The following DPYS variants were observed in gnomAD, a reference collection of about 807,000 sequenced individuals.
DPYS encodes dihydropyrimidinase.
DPYS carries 39 observed loss-of-function variants against 50.3 expected under a neutral mutation model. The observed-to-expected ratio is 0.78, with a 90% CI of 0.60 to 1.01. The LOEUF (loss-of-function observed/expected upper bound fraction) is 1.01. DPYS is among the 50% of genes least tolerant of loss of function. The pLI, the probability that DPYS is intolerant of heterozygous loss-of-function variation, is 0.00. For synonymous variants in DPYS, 245 were observed against 250.7 expected, an observed-to-expected ratio of 0.98 and a Z score of 0.22; for missense variants, 659 against 680.9, an observed-to-expected ratio of 0.97 and a Z score of 0.36.
At chr8:104,465,106 A>T (rs1305349983) in intron 1 of DPYS, among the ~76,000 whole-genome samples, 6 of 152,118 alleles carry the variant, frequency 3.9e-5, no homozygotes, top group African/African-American at 1.4e-4. Context: ...TTTTTCTGTT[A>T]ATCATTCCAG....
intron 7 of DPYS, among the ~76,000 whole-genome samples, chr8:104,402,655 A>G (rs1056596223): frequency 6.6e-6 from 1 of 152,218 alleles, no homozygotes; most frequent in African/African-American, 2.4e-5. Flanking sequence ...TTTCCTATAT[A>G]GAAATACACT....
intron 7 of DPYS, among the ~76,000 whole-genome samples, chr8:104,414,104 G>A (rs1812286375): frequency 6.6e-6 from 1 of 152,164 alleles, no homozygotes; most frequent in South Asian, 2.1e-4. Flanking sequence ...ACATGTGAAG[G>A]TCTAAGAGGA....
At chr8:104,446,892 C>T (rs1195771329) in intron 3 of DPYS, among the ~76,000 whole-genome samples, 2 of 152,156 alleles carry the variant, frequency 1.3e-5, no homozygotes, top group Admixed American at 1.3e-4. Context: ...AAGAGCAGGG[C>T]TTTAAACAGC....
chr8:104,435,470 CT>C (rs1564102887), intron 4 of DPYS, among the ~76,000 whole-genome samples: 1 of 151,702 alleles, frequency 6.6e-6, no homozygotes, highest in Non-Finnish European at 1.5e-5. Flanking sequence ...TTTTATTAGG[CT>C]GGTGCAAAAG....
chr8:104,444,048 G>C (rs1385311995), intron 4 of DPYS, among the ~76,000 whole-genome samples, 200 bp downstream of exon 4: 2 of 151,962 alleles, frequency 1.3e-5, no homozygotes. Flanking sequence ...AAGGTAGAGA[G>C]GCAAGGATGA....
Position 104,466,996 on chromosome 8 carries a change from G to A in DPYS, c.-76C>T. The A allele has an allele frequency of 7.4e-7, 1 of 1,355,886 alleles. No individual in the cohort carries two copies. Among genetic ancestry groups the A allele is most frequent in the South Asian group, 1.8e-5 (1 of 57,122 alleles). 84.0% of individuals were successfully genotyped at this position (1,355,886 alleles called of 1,614,324 possible). On this transcript the variant is annotated 5_prime_UTR_variant, in exon 1 of 10. Coordinates refer to ENST00000351513, the MANE Select transcript of DPYS (RefSeq NM_001385.3). ...GGTTGGGCGGGCCGGGCGGGCTTGG[G>A]GTGCCCTCCTGCAAGGTCCCCACCG...
At chr8:104,438,209 A>G (rs1813215722) in intron 4 of DPYS, among the ~76,000 whole-genome samples, 1 of 152,228 alleles carries the variant, frequency 6.6e-6, no homozygotes. Flanking sequence ...GCAGCTATCA[A>G]AAATGAAAGG....
At chr8:104,408,415 C>A (rs1812067046) in intron 7 of DPYS, among the ~76,000 whole-genome samples, 1 of 152,116 alleles carries the variant, frequency 6.6e-6, no homozygotes, top group Non-Finnish European at 1.5e-5. Context: ...AAAAAAACCT[C>A]AATGACTAAT....
At chr8:104,394,139 G>A (rs1811498039) in intron 7 of DPYS, among the ~76,000 whole-genome samples, 2 of 152,158 alleles carry the variant, frequency 1.3e-5, no homozygotes, top group South Asian at 4.1e-4. Context: ...ATCCCTCTCA[G>A]GAATGGATTA....
chr8:104,422,121 T>C (rs1812569998), intron 7 of DPYS, among the ~76,000 whole-genome samples: 1 of 152,204 alleles, frequency 6.6e-6, no homozygotes, highest in Admixed American at 6.5e-5. Flanking sequence ...CTCCCCAGGC[T>C]GGGCCCTGTT....
At chr8:104,399,742 A>G (rs1811725586) in intron 7 of DPYS, among the ~76,000 whole-genome samples, 1 of 151,326 alleles carries the variant, frequency 6.6e-6, no homozygotes, top group Non-Finnish European at 1.5e-5. Flanking sequence ...GGTGGCGGGC[A>G]CCTGTAGTCC....
intron 7 of DPYS, among the ~76,000 whole-genome samples, chr8:104,404,563 G>A (rs1327420905): frequency 7.2e-5 from 11 of 152,338 alleles, no homozygotes; most frequent in African/African-American, 2.2e-4. Flanking sequence ...AGACTGTGCC[G>A]TGGAAAAATA....
intron 8 of DPYS, 47 bp downstream of exon 8, chr8:104,392,737 C>T (rs775673001): frequency 6.2e-7 from 1 of 1,608,038 alleles, no homozygotes; most frequent in Admixed American, 1.7e-5. Flanking sequence ...CATCCAGAAG[C>T]AGGAGACAGT....
chr8:104,436,851 C>A (rs1813167978), intron 4 of DPYS, among the ~76,000 whole-genome samples: 1 of 151,422 alleles, frequency 6.6e-6, no homozygotes, highest in Non-Finnish European at 1.5e-5. Context: ...AATAAAAAAA[C>A]AAATAAAGTA....
chr8:104,403,116 G>A (rs753007975), intron 7 of DPYS, among the ~76,000 whole-genome samples: 16 of 152,146 alleles, frequency 1.1e-4, no homozygotes, highest in Admixed American at 3.3e-4. Flanking sequence ...GTTTGTTGCC[G>A]TCCACCACTG....
intron 7 of DPYS, among the ~76,000 whole-genome samples, chr8:104,399,417 G>T (rs1258911044): frequency 1.3e-5 from 2 of 151,666 alleles, no homozygotes; most frequent in African/African-American, 4.8e-5. Flanking sequence ...GATATTTGGA[G>T]CAGGCATCAT....
rs1485955632 is a variant in DPYS, at chr8:104,396,822, T to C, written c.1236-3831A>G. Among the ~76,000 whole-genome samples, 4 of 63,490 alleles carry C rather than the reference T, an allele frequency of 6.3e-5. No homozygotes were observed. The East Asian group carries it at 1.4e-3, about 22-fold the overall frequency. The allele number at this position is 63,490 out of a possible 152,430, so 41.7% of individuals were successfully genotyped here. A position where few individuals can be genotyped will look rare whatever the true frequency, so the allele number is the denominator to read the frequency against. ...TATCAAATCAGATTTCTTTGCCTCA[T>C]ACCAAAAAAAAAAAAAAAGGTCATT... On this transcript the variant is annotated intron_variant, in intron 7 of 9. Transcript: ENST00000351513.
intron 7 of DPYS, among the ~76,000 whole-genome samples, chr8:104,401,832 A>T (rs143638466): frequency 6.6e-5 from 10 of 152,342 alleles, no homozygotes; most frequent in Middle Eastern, 6.8e-3. Context: ...TGCTTCAAGT[A>T]CATTGTCATT....
intron 4 of DPYS, among the ~76,000 whole-genome samples, chr8:104,439,563 G>T (rs1050945158): frequency 3.3e-5 from 5 of 152,136 alleles, no homozygotes; most frequent in African/African-American, 9.7e-5. Flanking sequence ...CAGGAAGATC[G>T]CCTGAGGCCA....
Sources: allele counts gnomAD v4.1 joint callset (sites outside exome capture counted in the v4.1 genomes callset), GRCh38; gene constraint gnomAD v4.1.1; transcripts MANE v1.5; gene names NCBI Gene and HGNC (gene_info 2026-07-23, HGNC 2026-07-21).